Variants in TESK2 observed in about 807,000 individuals in gnomAD.
TESK2 encodes the protein testis associated actin remodelling kinase 2, also known as dual specificity testis-specific protein kinase 2.
A neutral mutation model predicts 57.1 loss-of-function variants in TESK2; 39 were observed. The ratio of observed to expected loss-of-function variants is 0.68; its 90% confidence interval spans 0.53 to 0.89. The LOEUF (loss-of-function observed/expected upper bound fraction) is 0.89, where lower values mean the gene tolerates loss of function less well. TESK2 is among the 40% of genes least tolerant of loss of function. TESK2 has a pLI of 0.00. For synonymous variants in TESK2, 249 were observed against 267.9 expected, an observed-to-expected ratio of 0.93 and a Z score of 0.69; for missense variants, 646 against 732.1, an observed-to-expected ratio of 0.88 and a Z score of 1.36.
chr1:45,405,704 T>TAC (rs895506710), intron 3 of TESK2, among the ~76,000 whole-genome samples: 51 of 150,598 alleles, frequency 3.4e-4, no homozygotes, highest in Non-Finnish European at 5.5e-4. Flanking sequence ...TACATATATA[T>TAC]ACACACACAC....
In TESK2 at chr1:45,347,043, C is replaced by T. The variant is rs1647153370; in HGVS notation, c.728G>A (p.Gly243Asp). The change falls in exon 8 of 11, where the codon GGT becomes GAT. Residue 243 changes from glycine to aspartate, a missense_variant. Physicochemically the swap from Gly to Asp is moderately conservative, Grantham distance 94 (BLOSUM62 -1). Transcript: ENST00000372086. ...GGCGATGATCTCGCAGAGGATGATA[C>T]CATAAGAGAACACATCTGCCTGGTG... Reference protein sequence around the residue: ...YNEKADVFSYGIILCEIIARI... With the variant: ...YNEKADVFSYDIILCEIIARI... The T allele has an allele frequency of 1.9e-6, 3 of 1,614,202 alleles. No individual in the cohort carries two copies. Among genetic ancestry groups the T allele is most frequent in the East Asian group, 2.2e-5 (1 of 44,888 alleles).
At chr1:45,471,455 G>C (rs1652757245) in intron 1 of TESK2, among the ~76,000 whole-genome samples, 1 of 151,884 alleles carries the variant, frequency 6.6e-6, no homozygotes, top group Non-Finnish European at 1.5e-5. Flanking sequence ...GCCCAGGCTG[G>C]AGAACAGTGG....
At chr1:45,358,407 G>T (rs1300008603) in intron 4 of TESK2, among the ~76,000 whole-genome samples, 3 of 152,066 alleles carry the variant, frequency 2.0e-5, no homozygotes, top group Non-Finnish European at 4.4e-5. Context: ...AACCTCAGGA[G>T]GTCAAGGCTG....
intron 4 of TESK2, among the ~76,000 whole-genome samples, chr1:45,358,776 G>C (rs752222956): frequency 1.3e-5 from 2 of 152,042 alleles, no homozygotes; most frequent in African/African-American, 2.4e-5. Context: ...TTTAGAGAAG[G>C]CATTTAGAAA....
At position 45,466,140 on chromosome 1, in the gene TESK2, G is replaced by C. The variant is rs184564302; in HGVS notation, c.-86-8269C>G. Among the ~76,000 whole-genome samples the C allele has an allele frequency of 3.8e-3, 578 of 152,068 alleles. 3 individuals carry two copies. Among genetic ancestry groups the C allele is most frequent in the African/African-American group, 0.014 (568 of 41,476 alleles). ...GTGGATAGCTTGAGCCCAGGAGTTC[G>C]AGGCCAGTCTGAGCAACATGGTTAA... On this transcript the variant is annotated intron_variant, in intron 1 of 10. Transcript: ENST00000372086.
At chr1:45,429,117 G>A (rs974490661) in intron 2 of TESK2, among the ~76,000 whole-genome samples, 8 of 152,122 alleles carry the variant, frequency 5.3e-5, no homozygotes, top group Non-Finnish European at 8.8e-5. Context: ...CACCGCGCCC[G>A]GCCCCTAAAT....
At chr1:45,406,788 T>C (rs796194281) in intron 3 of TESK2, among the ~76,000 whole-genome samples, 6 of 152,194 alleles carry the variant, frequency 3.9e-5, no homozygotes, top group African/African-American at 1.4e-4. Flanking sequence ...AGTTACACAC[T>C]TACATAGCTT....
At chr1:45,444,143 C>T (rs1169767637) in intron 2 of TESK2, among the ~76,000 whole-genome samples, 1 of 149,502 alleles carries the variant, frequency 6.7e-6, no homozygotes, top group African/African-American at 2.5e-5. Flanking sequence ...CATGCTACTG[C>T]ACTCCAGCCT....
At chr1:45,395,588 T>G (rs1206532231) in intron 3 of TESK2, among the ~76,000 whole-genome samples, 1 of 149,206 alleles carries the variant, frequency 6.7e-6, no homozygotes, top group African/African-American at 2.6e-5. Flanking sequence ...CCATTTACAC[T>G]CCTTTCTTTT....
chr1:45,415,137 C>G (rs1481106419), intron 3 of TESK2: 3 of 1,505,404 alleles, frequency 2.0e-6, no homozygotes, highest in South Asian at 1.1e-5. Flanking sequence ...CTTTTGTGCT[C>G]TGACCACTGG....
chr1:45,446,071 G>T (rs1049398958), intron 2 of TESK2, among the ~76,000 whole-genome samples: 2 of 151,840 alleles, frequency 1.3e-5, no homozygotes, highest in African/African-American at 4.8e-5. Flanking sequence ...CAAGTACTTG[G>T]CACAGAATTT....
At chr1:45,484,046 G>T (rs1425130538) in intron 1 of TESK2, among the ~76,000 whole-genome samples, 66 of 148,934 alleles carry the variant, frequency 4.4e-4, no homozygotes, top group African/African-American at 1.6e-3. Flanking sequence ...CACAGGGGTT[G>T]GCTTCCCAAC....
intron 3 of TESK2, among the ~76,000 whole-genome samples, chr1:45,395,609 C>CTTT (rs201678906): frequency 7.5e-6 from 1 of 132,576 alleles, no homozygotes; most frequent in Non-Finnish European, 1.6e-5. Context: ...CTTTTCTTTT[C>CTTT]TTTTTTTTTT....
chr1:45,406,782 A>G (rs182643772), intron 3 of TESK2, among the ~76,000 whole-genome samples: 3 of 152,294 alleles, frequency 2.0e-5, no homozygotes, highest in Admixed American at 2.0e-4. Context: ...AACTTAAGTT[A>G]CACACTTACA....
chr1:45,448,482 C>T (rs752036920), intron 2 of TESK2, among the ~76,000 whole-genome samples: 8 of 152,082 alleles, frequency 5.3e-5, no homozygotes, highest in Non-Finnish European at 1.2e-4. Flanking sequence ...GTGCCAGCAT[C>T]TACTTCTGGT....
At chr1:45,366,461 A>G (rs1457164483) in intron 4 of TESK2, among the ~76,000 whole-genome samples, 1 of 152,006 alleles carries the variant, frequency 6.6e-6, no homozygotes, top group African/African-American at 2.4e-5. Context: ...GGCTGGGCAC[A>G]GTAGCTCACA....
chr1:45,413,363 A>G (rs1470848722), intron 3 of TESK2, among the ~76,000 whole-genome samples: 1 of 152,166 alleles, frequency 6.6e-6, no homozygotes, highest in Non-Finnish European at 1.5e-5. Context: ...ATAAAGGGAA[A>G]AAGGGAAACT....
At chr1:45,375,608 T>C (rs1648371640) in intron 4 of TESK2, among the ~76,000 whole-genome samples, 1 of 152,108 alleles carries the variant, frequency 6.6e-6, no homozygotes, top group Admixed American at 6.6e-5. Context: ...GATTAAAATA[T>C]AAATTCCAGC....
chr1:45,469,353 C>T (rs752444987), intron 1 of TESK2, among the ~76,000 whole-genome samples: 1 of 152,172 alleles, frequency 6.6e-6, no homozygotes, highest in Non-Finnish European at 1.5e-5. Flanking sequence ...CTACAGACCA[C>T]GCATTCTACC....
Sources: gnomAD v4.1 joint callset for allele counts (sites outside exome capture counted in the v4.1 genomes callset) on GRCh38, gnomAD v4.1.1 for gene constraint, MANE v1.5 for transcripts, NCBI Gene and HGNC (gene_info 2026-07-23, HGNC 2026-07-21) for gene names.